The following ERCC6L2 variants were observed in gnomAD, a reference collection of about 807,000 sequenced individuals.
The protein encoded by ERCC6L2 is DNA excision repair protein ERCC-6-like 2.
Under a neutral mutation model 132.0 loss-of-function variants are expected in ERCC6L2, and 77 were observed. The observed-to-expected ratio is 0.58, with a 90% CI of 0.49 to 0.71. The LOEUF (loss-of-function observed/expected upper bound fraction) is 0.71. Among genes scored for constraint, ERCC6L2 ranks in the 30% least tolerant of loss-of-function variants. The pLI is 0.00. For missense variants in ERCC6L2, 1,542 were observed against 1,837.6 expected, an observed-to-expected ratio of 0.84 and a Z score of 2.94; for synonymous variants, 583 against 632.4, an observed-to-expected ratio of 0.92 and a Z score of 1.17.
chr9:95,875,722 C>T lies in ERCC6L2; in HGVS notation c.-317C>T, dbSNP rs866658649. 8 of 426,922 alleles carry T rather than the reference C, an allele frequency of 1.9e-5. No homozygotes were observed. The highest frequency in any genetic ancestry group is 7.8e-5 in the Admixed American group (2 of 25,542). The allele number at this position is 426,922 out of a possible 1,614,324, so 26.4% of individuals were successfully genotyped here. A position where few individuals can be genotyped will look rare whatever the true frequency, so the allele number is the denominator to read the frequency against. On this transcript the variant is annotated 5_prime_UTR_variant, in exon 1 of 19. Transcript: ENST00000653738. ...TAGGAAGATTTGGGGGTCGCCTTGC[C>T]GGCCTCCTGTCCTCCTCCGGCGGCG...
intron 3 of ERCC6L2, among the ~76,000 whole-genome samples, chr9:95,901,804 A>G (rs1219150822): frequency 2.0e-5 from 3 of 152,228 alleles, no homozygotes; most frequent in African/African-American, 7.2e-5. Context: ...TGGAATTTAG[A>G]GTTTTTAATG....
At chr9:96,034,199 G>A (rs1834494363) in intron 19 of ERCC6L2, among the ~76,000 whole-genome samples, 1 of 152,254 alleles carries the variant, frequency 6.6e-6, no homozygotes. Flanking sequence ...GGGGGGTCCG[G>A]CTGACGTTCC....
In ERCC6L2 at chr9:96,013,302, T is replaced by C. The variant is rs1185231720; in HGVS notation, c.*99T>C. The C allele has an allele frequency of 2.9e-6, 3 of 1,037,918 alleles. No homozygotes were observed. Among genetic ancestry groups the C allele is most frequent in the Non-Finnish European group, 3.8e-6 (3 of 782,288 alleles). 64.3% of individuals were successfully genotyped at this position (1,037,918 alleles called of 1,614,324 possible). ...ATTATCTTGAACACAGTTGTTGACA[T>C]ATATTTTTATTAAATTATTGCTTTA... On this transcript the variant is annotated 3_prime_UTR_variant, in exon 19 of 19. Coordinates refer to ENST00000653738, the MANE Select transcript of ERCC6L2 (RefSeq NM_020207.7).
chr9:96,004,663 C>T lies in ERCC6L2; in HGVS notation c.3636C>T (p.Thr1212=). Residue 1212 remains threonine, a synonymous_variant, in exon 18 of 19, where the codon ACC becomes ACT. Transcript: ENST00000653738. Reference sequence around the variant, plus strand: ...AAAAAGTCTACCATACAAACCAGACCACCTTCATAATTGGAGAAACACCAA... The same window carrying T: ...AAAAAGTCTACCATACAAACCAGACTACCTTCATAATTGGAGAAACACCAA... ...KKKKVYHTNQ[T]TFIIGETPKG... 4 of 1,342,364 alleles carry T rather than the reference C, an allele frequency of 3.0e-6. No homozygotes were observed. The highest frequency in any genetic ancestry group is 4.0e-6 in the Non-Finnish European group (4 of 1,008,378). The allele number at this position is 1,342,364 out of a possible 1,614,324, so 83.2% of individuals were successfully genotyped here.
intron 13 of ERCC6L2, among the ~76,000 whole-genome samples, chr9:95,965,713 C>G (rs1382694599): frequency 6.6e-6 from 1 of 152,024 alleles, no homozygotes; most frequent in African/African-American, 2.4e-5. Context: ...CCACGTCGAC[C>G]AGGTTGGGCT....
At chr9:95,984,180 T>C (rs1345152222) in intron 17 of ERCC6L2, among the ~76,000 whole-genome samples, 1 of 149,726 alleles carries the variant, frequency 6.7e-6, no homozygotes. Flanking sequence ...ATGTTACATA[T>C]ACATACAAAT....
chr9:95,972,647 A>T lies in ERCC6L2; in HGVS notation c.2896A>T (p.Thr966Ser), dbSNP rs1384630233. Residue 966 changes from threonine (T) to serine (S), a missense_variant, in exon 16 of 19, where the codon ACC (threonine) becomes TCC (serine). Physicochemically the swap from Thr to Ser is moderately conservative, Grantham distance 58. This residue lies in a region of ERCC6L2 where 945 missense variants were observed against 1,105.2 expected (regional missense o/e 0.86). Transcript: ENST00000653738. ...ISKKLSPENT[T>S]LKSILKRKGT... Reference sequence around the variant, plus strand: ...AAAAAAGTTAAGTCCTGAGAACACAACCCTGAAATCTATTTTGAAAAGAAA... The same window carrying T: ...AAAAAAGTTAAGTCCTGAGAACACATCCCTGAAATCTATTTTGAAAAGAAA... 1 of 1,294,980 alleles carries T rather than the reference A, an allele frequency of 7.7e-7. No individual in the cohort carries two copies. Among genetic ancestry groups the T allele is most frequent in the Non-Finnish European group, 1.0e-6 (1 of 988,834 alleles). The allele number at this position is 1,294,980 out of a possible 1,614,324, so 80.2% of individuals were successfully genotyped here. A position where few individuals can be genotyped will look rare whatever the true frequency, so the allele number is the denominator to read the frequency against.
downstream of ERCC6L2, chr9:96,020,493 C>G: frequency 3.1e-6 from 1 of 325,912 alleles, no homozygotes; most frequent in Non-Finnish European, 6.0e-6. Context: ...CCCGCGGAGC[C>G]CAGGTAGGGG....
rs1417195419 is a variant in ERCC6L2 at position 95,975,628 on chromosome 9, A to G, written c.3338-2433A>G. On this transcript the variant is annotated intron_variant, in intron 16 of 18. Transcript: ENST00000653738. ...GTTTTCACTCAAATTTTATTTTGGGAAAGATTTGCTTGTACCAGTGTTTTT... is the reference window on the plus strand; with the variant it reads ...GTTTTCACTCAAATTTTATTTTGGGGAAGATTTGCTTGTACCAGTGTTTTT... Among the ~76,000 whole-genome samples the G allele has an allele frequency of 4.0e-5, 6 of 151,584 alleles. No homozygotes were observed. The East Asian group carries it at 1.2e-3, about 29-fold the overall frequency.
At chr9:95,954,897 T>G (rs757430009) in intron 12 of ERCC6L2, 9 of 470,714 alleles carry the variant, frequency 1.9e-5, no homozygotes, top group South Asian at 1.2e-4. Flanking sequence ...TGTCCTCGAG[T>G]AAAAGTCCAT....
chr9:95,970,064 T>C (rs1182039686), intron 14 of ERCC6L2, among the ~76,000 whole-genome samples: 1 of 152,210 alleles, frequency 6.6e-6, no homozygotes, highest in African/African-American at 2.4e-5. Flanking sequence ...TTTAGTTTCA[T>C]ATTAGGGTGG....
chr9:95,913,406 T>G (rs965951054), intron 4 of ERCC6L2, among the ~76,000 whole-genome samples: 3 of 152,206 alleles, frequency 2.0e-5, no homozygotes, highest in African/African-American at 7.2e-5. Context: ...AATGGTCATC[T>G]ACAATGGTGG....
intron 16 of ERCC6L2, among the ~76,000 whole-genome samples, chr9:95,975,928 T>G (rs1324473872): frequency 6.6e-6 from 1 of 152,182 alleles, no homozygotes; most frequent in African/African-American, 2.4e-5. Flanking sequence ...TTTGAGTTGC[T>G]CTAATTCTGA....
At position 96,012,992 on chromosome 9, in the gene ERCC6L2, T is replaced by C. The variant is rs190491189; in HGVS notation, c.4442T>C (p.Ile1481Thr). Residue 1481 changes from isoleucine (I) to threonine (T), a missense_variant, in exon 19 of 19, where the codon ATC becomes ACC. Coordinates refer to ENST00000653738, the MANE Select transcript of ERCC6L2 (RefSeq NM_020207.7). ...CAGAGACCAAAAGATTTCTGGGACA[T>C]CTTGAATGAGCAGAATGATGAGAGT... ...AKQRPKDFWD[I>T]LNEQNDESLS... 7.3e-7 allele frequency: 1 copy of C among 1,367,444 alleles called. No individual in the cohort carries two copies. Among genetic ancestry groups the C allele is most frequent in the Non-Finnish European group, 9.8e-7 (1 of 1,021,744 alleles). 84.7% of individuals were successfully genotyped at this position (1,367,444 alleles called of 1,614,324 possible).
intron 14 of ERCC6L2, chr9:95,968,243 A>T (rs1372258908): frequency 1.3e-5 from 2 of 152,186 alleles, no homozygotes; most frequent in African/African-American, 4.8e-5. Flanking sequence ...TCCATGTCTT[A>T]CATTTTCTTT....
chr9:95,907,194 T>C lies in ERCC6L2; in HGVS notation c.711T>C (p.Ile237=). 1 of 1,613,660 alleles carries C rather than the reference T, an allele frequency of 6.2e-7. No individual in the cohort carries two copies. The change falls in exon 4 of 19, where the codon ATT becomes ATC. Residue 237 remains isoleucine, a synonymous_variant. Coordinates refer to ENST00000653738, the MANE Select transcript of ERCC6L2 (RefSeq NM_020207.7). ...GAAACAGAAAAGATAATGAATTAAT[T>C]CGTGTAAAGCAGAGGAAATGTGAAA... ...LHGNRKDNEL[I]RVKQRKCEIA...
rs565053074 is a variant in ERCC6L2, at chr9:95,980,982, T to C, written c.3492+2767T>C. 5.3e-5 allele frequency among the ~76,000 whole-genome samples: 8 copies of C among 152,252 alleles called. No individual in the cohort carries two copies. In the East Asian group the frequency reaches 1.5e-3, roughly 29 times the overall value. On this transcript the variant is annotated intron_variant, in intron 17 of 18. Coordinates refer to ENST00000653738, the MANE Select transcript of ERCC6L2 (RefSeq NM_020207.7). ...TCATCACAGTTTTATTAAAGAACTT[T>C]ACTTGTGTTTGGAAAGATTGTGTGC...
chr9:95,891,871 C>A (rs1011641202), intron 2 of ERCC6L2, among the ~76,000 whole-genome samples: 4 of 151,884 alleles, frequency 2.6e-5, no homozygotes, highest in African/African-American at 9.7e-5. Context: ...ATATTTAAGT[C>A]TTTTGCCTGT....
intron 3 of ERCC6L2, among the ~76,000 whole-genome samples, chr9:95,902,261 G>A (rs1420513633): frequency 6.6e-6 from 1 of 152,066 alleles, no homozygotes. Context: ...TTAGATGTAG[G>A]CTAAGTTTTG....
Sources: gnomAD v4.1 joint callset for allele counts (sites outside exome capture counted in the v4.1 genomes callset) on GRCh38, gnomAD v4.1.1 for gene constraint, gnomAD v4.1.1 regional missense constraint, MANE v1.5 for transcripts, NCBI Gene and HGNC (gene_info 2026-07-23, HGNC 2026-07-21) for gene names.